The following KLHDC8A variants were observed in gnomAD, a reference collection of about 807,000 sequenced individuals.
KLHDC8A encodes kelch domain containing 8A.
Under a neutral mutation model 33.1 loss-of-function variants are expected in KLHDC8A, and 21 were observed. That is an observed-to-expected ratio of 0.64 (90% CI 0.45 to 0.91). The LOEUF (loss-of-function observed/expected upper bound fraction) is 0.91. Ranked by LOEUF, KLHDC8A falls within the 40% of genes least tolerant of loss-of-function variation. The pLI is 0.00. For synonymous variants in KLHDC8A, 173 were observed against 193.5 expected, an observed-to-expected ratio of 0.89 and a Z score of 0.88; for missense variants, 435 against 483.3, an observed-to-expected ratio of 0.90 and a Z score of 0.94.
Position 205,343,412 on chromosome 1 carries a change from G to C in KLHDC8A, c.193C>G (p.Leu65Val). 6.2e-7 allele frequency: 1 copy of C among 1,613,316 alleles called. No individual in the cohort carries two copies. Among genetic ancestry groups the C allele is most frequent in the Non-Finnish European group, 8.5e-7 (1 of 1,179,782 alleles). Residue 65 changes from leucine to valine, a missense_variant, in exon 2 of 6, where the codon CTG becomes GTG. Coordinates refer to ENST00000367155, the MANE Select transcript of KLHDC8A (RefSeq NM_018203.3). ...EADQWTALPR[L>V]PTARAGVAVT... ...GCCACCCCCGCCCGGGCTGTGGGCA[G>C]CCGGGGCAAGGCGGTCCACTGGTCG...
intron 1 of KLHDC8A, among the ~76,000 whole-genome samples, chr1:205,353,570 C>G (rs567811340): frequency 1.3e-5 from 2 of 152,286 alleles, no homozygotes; most frequent in African/African-American, 4.8e-5. Flanking sequence ...AGGTCTCACT[C>G]TGTCACCCAG....
At chr1:205,341,187 T>TC (rs1173913090) in intron 2 of KLHDC8A, among the ~76,000 whole-genome samples, 1 of 152,140 alleles carries the variant, frequency 6.6e-6, no homozygotes, top group Middle Eastern at 3.2e-3. Flanking sequence ...CATCTGTGTT[T>TC]CCCTGGGTCC....
Position 205,337,552 on chromosome 1 carries a change from G to C in KLHDC8A, c.900C>G (p.His300Gln), listed in dbSNP as rs373566906. ...PTVLETAEAF[H>Q]PGKNKWEILP... ...GGATCTCCCATTTGTTCTTCCCTGG[G>C]TGGAATGCTTCCGCCGTCTCCAGGA... Residue 300 changes from histidine to glutamine, a missense_variant, in exon 6 of 6, where the codon CAC becomes CAG. Physicochemically the swap from His to Gln is conservative, Grantham distance 24. Coordinates refer to ENST00000367155, the MANE Select transcript of KLHDC8A (RefSeq NM_018203.3). The C allele has an allele frequency of 5.0e-6, 8 of 1,613,904 alleles. No homozygotes were observed. Among genetic ancestry groups the C allele is most frequent in the Non-Finnish European group, 6.8e-6 (8 of 1,179,934 alleles).
At chr1:205,344,319 C>G (rs1031770248) in intron 1 of KLHDC8A, 7 of 152,406 alleles carry the variant, frequency 4.6e-5, no homozygotes, top group Admixed American at 4.6e-4. Flanking sequence ...GGAGCCGCCG[C>G]CGGGGAGGAG....
chr1:205,342,605 T>G (rs1055670971), intron 2 of KLHDC8A, among the ~76,000 whole-genome samples: 1 of 152,136 alleles, frequency 6.6e-6, no homozygotes, highest in Non-Finnish European at 1.5e-5. Flanking sequence ...GGAGGGAAGG[T>G]TGCATCCCAC....
rs772941527 is a variant in KLHDC8A at position 205,339,404 on chromosome 1, G to A, written c.547C>T (p.Arg183Ter). 5.6e-6 allele frequency: 9 copies of A among 1,612,986 alleles called. No individual in the cohort carries two copies. The highest frequency in any genetic ancestry group is 3.3e-5 in the South Asian group (3 of 90,908). ...RGSKIYVLGG[R>*]QSKYAVNAFE... The stretch of plus-strand genomic sequence containing the variant: ...GCGTTGACCGCGTACTTGGACTGTC[G>A]TCCCCCTGGGGGCCAGAGCAGGATA... Residue 183 changes from arginine to a stop codon, truncating the protein, a stop_gained, in exon 4 of 6, where the codon CGA becomes TGA. Transcript: ENST00000367155. LOFTEE classifies it high-confidence loss of function. This position sits in a 1 kb window ranked among gnomAD's most constrained non-coding sequence, Gnocchi z 5.1.
Position 205,345,602 on chromosome 1 carries a change from A to G in KLHDC8A, c.-189-1809T>C, listed in dbSNP as rs536226670. ...AGAATGCAAAAAAAATTAGCCAGGCATGGTGGCATGCACCTGTAGTCCCAA... is the reference window on the plus strand; with the variant it reads ...AGAATGCAAAAAAAATTAGCCAGGCGTGGTGGCATGCACCTGTAGTCCCAA... On this transcript the variant is annotated intron_variant, in intron 1 of 5. Coordinates refer to ENST00000367155, the MANE Select transcript of KLHDC8A (RefSeq NM_018203.3). Among the ~76,000 whole-genome samples, 128 of 151,676 alleles carry G rather than the reference A, an allele frequency of 8.4e-4. 1 individual carries two copies. The highest frequency in any genetic ancestry group is 1.5e-3 in the Non-Finnish European group (101 of 67,888).
chr1:205,355,656 A>G (rs1663246869), intron 1 of KLHDC8A, among the ~76,000 whole-genome samples: 1 of 152,168 alleles, frequency 6.6e-6, no homozygotes, highest in South Asian at 2.1e-4. Context: ...AATTTAGCCT[A>G]TAAAGTAGGT....
At chr1:205,352,775 C>G (rs1393052382) in intron 1 of KLHDC8A, among the ~76,000 whole-genome samples, 2 of 152,186 alleles carry the variant, frequency 1.3e-5, no homozygotes, top group African/African-American at 4.8e-5. Context: ...CCCCAGGAAG[C>G]CTGCATTTCT....
intron 2 of KLHDC8A, among the ~76,000 whole-genome samples, chr1:205,340,886 T>A (rs545814371): frequency 1.1e-4 from 16 of 152,370 alleles, no homozygotes; most frequent in Admixed American, 7.8e-4. Flanking sequence ...GTCACTGGCC[T>A]ATGGGACACT....
At position 205,339,687 on chromosome 1, in the gene KLHDC8A, A is replaced by G. The variant is rs368908844; in HGVS notation, c.498T>C (p.Tyr166=). 3 of 1,614,116 alleles carry G rather than the reference A, an allele frequency of 1.9e-6. No individual in the cohort carries two copies. Among genetic ancestry groups the G allele is most frequent in the Non-Finnish European group, 2.5e-6 (3 of 1,180,010 alleles). The part of the protein sequence containing the change: ...VSLAPMPTPR[Y]AATSFLRGSK... ...AGCCTCGGAGGAAGGAGGTGGCAGC[A>G]TATCTCGGGGTGGGCATGGGTGCTA... The change falls in exon 3 of 6, where the codon TAT becomes TAC. Residue 166 remains tyrosine, a synonymous_variant. Transcript: ENST00000367155. The surrounding 1 kb of genome is among the most constrained non-coding windows in gnomAD (Gnocchi z 5.1).
At chr1:205,338,414 C>G in intron 5 of KLHDC8A, 81 bp downstream of exon 5, 2 of 1,122,688 alleles carry the variant, frequency 1.8e-6, no homozygotes, top group Non-Finnish European at 2.7e-6. Context: ...AGTCAGTACC[C>G]TTTCCTGCAT....
At chr1:205,345,803 G>C (rs981616687) in intron 1 of KLHDC8A, among the ~76,000 whole-genome samples, 1 of 151,984 alleles carries the variant, frequency 6.6e-6, no homozygotes, top group Admixed American at 6.6e-5. Context: ...GGCCGGATTT[G>C]GTGGCTCATG....
In KLHDC8A at chr1:205,353,550, G is replaced by A. The variant is rs184210940; in HGVS notation, c.-190+2983C>T. Among the ~76,000 whole-genome samples, 241 of 152,190 alleles carry A rather than the reference G, an allele frequency of 1.6e-3. 2 individuals are homozygous for A. The highest frequency in any genetic ancestry group is 5.6e-3 in the African/African-American group (233 of 41,516). ...CTTTTTATTTTTTGTTTTCTTGTTT[G>A]TGTGATACAAGGTCTCACTCTGTCA... On this transcript the variant is annotated intron_variant, in intron 1 of 5. Transcript: ENST00000367155.
Position 205,356,708 on chromosome 1 carries a change from C to A in KLHDC8A, c.-365G>T. ...GGGCTTCCTCCACAATTGATGAGTC[C>A]ACTGCTGCTGCCTCTGGCTGATCGA... On this transcript the variant is annotated 5_prime_UTR_variant, in exon 1 of 6. Coordinates refer to ENST00000367155, the MANE Select transcript of KLHDC8A (RefSeq NM_018203.3). 1 of 412,780 alleles carries A rather than the reference C, an allele frequency of 2.4e-6. No individual in the cohort carries two copies. Among genetic ancestry groups the A allele is most frequent in the South Asian group, 1.8e-5 (1 of 56,944 alleles). 25.6% of individuals were successfully genotyped at this position (412,780 alleles called of 1,614,324 possible).
Position 205,356,658 on chromosome 1 carries a change from G to A in KLHDC8A, c.-315C>T. On this transcript the variant is annotated 5_prime_UTR_variant, in exon 1 of 6. Transcript: ENST00000367155. The stretch of plus-strand genomic sequence containing the variant: ...GTCCTAGGAGCTGGCTGGGAATAGA[G>A]TCGGCAAGGTCCCCAGGGTCCCCAG... 1 of 451,570 alleles carries A rather than the reference G, an allele frequency of 2.2e-6. No individual in the cohort carries two copies. The highest frequency in any genetic ancestry group is 1.6e-5 in the South Asian group (1 of 63,908). 28.0% of individuals were successfully genotyped at this position (451,570 alleles called of 1,614,324 possible).
At chr1:205,351,748 G>A (rs947982209) in intron 1 of KLHDC8A, among the ~76,000 whole-genome samples, 7 of 151,850 alleles carry the variant, frequency 4.6e-5, no homozygotes, top group Non-Finnish European at 1.0e-4. Flanking sequence ...GAGAAACCCC[G>A]TCTCTACTAA....
In KLHDC8A at chr1:205,343,639, G is replaced by T. The variant is rs7526603; in HGVS notation, c.-35C>A. 0.38 allele frequency: 581,425 copies of T among 1,529,036 alleles called. 112,502 individuals carry two copies. The highest frequency in any genetic ancestry group is 0.44 in the Middle Eastern group (1,877 of 4,300). 94.7% of individuals were successfully genotyped at this position (1,529,036 alleles called of 1,614,324 possible). Reference sequence around the variant, plus strand: ...GGGGAGCGCCCGGGCGCCGGGAGAGGTGCGAGCGCGGGGGTCCACCGGCTA... The same window carrying T: ...GGGGAGCGCCCGGGCGCCGGGAGAGTTGCGAGCGCGGGGGTCCACCGGCTA... On this transcript the variant is annotated 5_prime_UTR_variant, in exon 2 of 6. Coordinates refer to ENST00000367155, the MANE Select transcript of KLHDC8A (RefSeq NM_018203.3).
intron 1 of KLHDC8A, among the ~76,000 whole-genome samples, chr1:205,349,867 G>A (rs762941018): frequency 3.3e-5 from 5 of 152,234 alleles, no homozygotes; most frequent in Middle Eastern, 6.8e-3. Flanking sequence ...TCCAGCCTAC[G>A]TTTTGTTGTA....
Sources: allele counts gnomAD v4.1 joint callset (sites outside exome capture counted in the v4.1 genomes callset), GRCh38; gene constraint gnomAD v4.1.1; non-coding constraint Gnocchi (gnomAD v3.1); transcripts MANE v1.5; gene names NCBI Gene and HGNC (gene_info 2026-07-23, HGNC 2026-07-21).